ROS1: variants seen among roughly 807,000 people sequenced by gnomAD.
ROS1 encodes the protein ROS proto-oncogene 1, receptor tyrosine kinase.
Under a neutral mutation model 273.5 loss-of-function variants are expected in ROS1, and 263 were observed. That is an observed-to-expected ratio of 0.96 (90% CI 0.87 to 1.06). ROS1 has a LOEUF of 1.06. Ranked by LOEUF, ROS1 falls within the 50% of genes least tolerant of loss-of-function variation. ROS1 has a pLI of 0.00. For synonymous variants in ROS1, 1,008 were observed against 954.1 expected (o/e 1.06, Z -1.04); for missense variants, 2,833 against 2,751.1 (o/e 1.03, Z -0.67).
chr6:117,384,330 T>A (rs1467048794), intron 16 of ROS1, among the ~76,000 whole-genome samples: 1 of 152,048 alleles, frequency 6.6e-6, no homozygotes, highest in Non-Finnish European at 1.5e-5. Context: ...CAGGGACAAC[T>A]GATGATGGCT....
intron 16 of ROS1, 58 bp downstream of exon 16, chr6:117,385,625 G>C: frequency 6.9e-7 from 1 of 1,444,822 alleles, no homozygotes; most frequent in Non-Finnish European, 9.5e-7. Context: ...TGGTGTGCAA[G>C]TCACTGAAGT....
At chr6:117,350,443 G>C (rs889465278) in intron 27 of ROS1, among the ~76,000 whole-genome samples, 1 of 151,704 alleles carries the variant, frequency 6.6e-6, no homozygotes, top group African/African-American at 2.4e-5. Context: ...TCTGCAGTTT[G>C]AATATGATAG....
At chr6:117,367,962 C>A (rs1387467049) in intron 18 of ROS1, among the ~76,000 whole-genome samples, 1 of 152,178 alleles carries the variant, frequency 6.6e-6, no homozygotes, top group Non-Finnish European at 1.5e-5. Context: ...TCCTCCTACT[C>A]TTGGTTAGTC....
At chr6:117,311,826 T>C (rs1283796713) in intron 39 of ROS1, among the ~76,000 whole-genome samples, 1 of 152,134 alleles carries the variant, frequency 6.6e-6, no homozygotes. Context: ...ATTAGTACCA[T>C]ACTGGGAAAA....
At position 117,287,933 on chromosome 6, in the gene ROS1, A is replaced by T. The variant is rs185165809; in HGVS notation, c.*559T>A. ...ACTTCGTCTCAAAAAAAAAAAAAAA[A>T]AATTAAAAAAAGATAATATATATAT... On this transcript the variant is annotated 3_prime_UTR_variant, in exon 44 of 44. Coordinates refer to ENST00000368507, the MANE Select transcript of ROS1 (RefSeq NM_001378902.1). Among the ~76,000 whole-genome samples, 474 of 143,056 alleles carry T rather than the reference A, an allele frequency of 3.3e-3. 2 individuals carry two copies. Among genetic ancestry groups the T allele is most frequent in the Non-Finnish European group, 4.9e-3 (320 of 65,620 alleles). 93.9% of individuals were successfully genotyped at this position (143,056 alleles called of 152,430 possible).
intron 43 of ROS1, among the ~76,000 whole-genome samples, chr6:117,295,121 A>G (rs565216266): frequency 6.6e-6 from 1 of 152,210 alleles, no homozygotes; most frequent in East Asian, 1.9e-4. Flanking sequence ...CATAGATCAA[A>G]GGTACATATA....
intron 24 of ROS1, among the ~76,000 whole-genome samples, chr6:117,359,161 T>C (rs563396926): frequency 2.6e-5 from 4 of 152,170 alleles, no homozygotes; most frequent in Non-Finnish European, 4.4e-5. Context: ...CTCATCTTTG[T>C]TTCCAAGATG....
At chr6:117,375,685 T>C (rs931099864) in intron 18 of ROS1, among the ~76,000 whole-genome samples, 3 of 152,166 alleles carry the variant, frequency 2.0e-5, no homozygotes, top group Admixed American at 2.0e-4. Flanking sequence ...AAAAGAAAGC[T>C]GATGTGGCCA....
chr6:117,392,322 T>C (rs1290940677), intron 12 of ROS1, among the ~76,000 whole-genome samples: 1 of 152,228 alleles, frequency 6.6e-6, no homozygotes, highest in African/African-American at 2.4e-5. Flanking sequence ...AAGAAAGTTT[T>C]GTTTGTGAAA....
At chr6:117,327,934 C>T (rs1014894310) in intron 33 of ROS1, among the ~76,000 whole-genome samples, 58 of 152,122 alleles carry the variant, frequency 3.8e-4, no homozygotes, top group African/African-American at 1.2e-3. Flanking sequence ...TGCCAGTAAA[C>T]GCCAGAAGCT....
At chr6:117,299,438 T>C (rs1404235246) in intron 43 of ROS1, 1 of 152,268 alleles carries the variant, frequency 6.6e-6, no homozygotes, top group Middle Eastern at 3.2e-3. Context: ...TGTCTGGCTA[T>C]GCGGGTGTCC....
intron 16 of ROS1, among the ~76,000 whole-genome samples, chr6:117,383,813 T>C (rs1772351707): frequency 1.3e-5 from 2 of 152,222 alleles, no homozygotes; most frequent in Non-Finnish European, 2.9e-5. Flanking sequence ...TGAACACTGC[T>C]GGATAGGAAT....
intron 18 of ROS1, among the ~76,000 whole-genome samples, chr6:117,373,464 C>A (rs1781041621): frequency 6.6e-6 from 1 of 152,252 alleles, no homozygotes; most frequent in Non-Finnish European, 1.5e-5. Flanking sequence ...AGAATTCGAG[C>A]ATGGCGCGGG....
chr6:117,364,501 A>C (rs749213319), intron 21 of ROS1, among the ~76,000 whole-genome samples: 2 of 152,150 alleles, frequency 1.3e-5, no homozygotes, highest in Non-Finnish European at 2.9e-5. Context: ...CCCACCTCAG[A>C]GCTCTGTGAG....
chr6:117,333,531 G>A (rs1777248300), intron 32 of ROS1, among the ~76,000 whole-genome samples: 1 of 151,958 alleles, frequency 6.6e-6, no homozygotes, highest in Non-Finnish European at 1.5e-5. Flanking sequence ...ACTGGGAAGA[G>A]ACACAACAAC....
intron 32 of ROS1, among the ~76,000 whole-genome samples, chr6:117,332,397 G>A (rs1017489584): frequency 1.3e-5 from 2 of 152,142 alleles, no homozygotes; most frequent in Admixed American, 1.3e-4. Context: ...ATAGTAGTGG[G>A]AAACTTCAAC....
At chr6:117,350,806 CAT>C (rs1491189399) in intron 27 of ROS1, among the ~76,000 whole-genome samples, 2 of 151,426 alleles carry the variant, frequency 1.3e-5, no homozygotes, top group South Asian at 2.1e-4. Flanking sequence ...ACATTCCTCA[CAT>C]GTTACAGTGT....
rs150410491 is a variant in ROS1, at chr6:117,311,149, T to C, written c.6118-32A>G. On this transcript the variant is annotated intron_variant, in intron 39 of 43. Transcript: ENST00000368507. The stretch of plus-strand genomic sequence containing the variant: ...GAAATGAAAGAAAAATTACAGGTAG[T>C]TATCTAGTTTGCATGAAATATATAC... 290 of 1,334,236 alleles carry C rather than the reference T, an allele frequency of 2.2e-4. 1 individual carries two copies. In the African/African-American group the frequency reaches 3.7e-3, roughly 17 times the overall value. 82.6% of individuals were successfully genotyped at this position (1,334,236 alleles called of 1,614,324 possible). A position where few individuals can be genotyped will look rare whatever the true frequency, so the allele number is the denominator to read the frequency against.
intron 6 of ROS1, among the ~76,000 whole-genome samples, chr6:117,403,852 G>GATA (rs1311021713): frequency 1.3e-5 from 2 of 149,238 alleles, no homozygotes; most frequent in Admixed American, 1.3e-4. Context: ...CAGAGCAGCT[G>GATA]AGATTAAAGT....
Sources: allele counts gnomAD v4.1 joint callset (sites outside exome capture counted in the v4.1 genomes callset), GRCh38; gene constraint gnomAD v4.1.1; transcripts MANE v1.5; gene names NCBI Gene and HGNC (gene_info 2026-07-23, HGNC 2026-07-21).